Variants in RPSA2 observed in about 807,000 individuals in gnomAD.
RPSA2 encodes the protein ribosomal protein SA 2, also known as small ribosomal subunit protein uS2B.
chr19:23,764,921 C>G, the RPSA2 span, among the ~76,000 whole-genome samples: 1 of 152,078 alleles, frequency 6.6e-6, no homozygotes, highest in Non-Finnish European at 1.5e-5. Flanking sequence ...TACAGCAGCC[C>G]TTTAGTCTAT....
At chr19:23,779,526 A>G in the RPSA2 span, among the ~76,000 whole-genome samples, 60 of 152,288 alleles carry the variant, frequency 3.9e-4, no homozygotes, top group South Asian at 0.011. Flanking sequence ...TTATTAGGAC[A>G]TTTATTTTTG....
the RPSA2 span, among the ~76,000 whole-genome samples, chr19:23,854,974 C>T: frequency 3.3e-5 from 5 of 152,162 alleles, no homozygotes; most frequent in East Asian, 7.7e-4. Context: ...CTTGAGCGTG[C>T]TCATCAGAGA....
At chr19:23,865,895 G>C in the RPSA2 span, among the ~76,000 whole-genome samples, 1 of 152,336 alleles carries the variant, frequency 6.6e-6, no homozygotes, top group East Asian at 1.9e-4. Context: ...CTATAGGGCT[G>C]TTAGAATCGG....
the RPSA2 span, among the ~76,000 whole-genome samples, chr19:23,825,010 C>A: frequency 6.6e-6 from 1 of 151,550 alleles, no homozygotes; most frequent in Admixed American, 6.6e-5. Context: ...GATGGAGTCT[C>A]GCTCTGTTTC....
the RPSA2 span, among the ~76,000 whole-genome samples, chr19:23,789,041 G>A: frequency 1.2e-3 from 21 of 17,844 alleles, no homozygotes; most frequent in Non-Finnish European, 2.3e-3. Flanking sequence ...TTTTTTGACA[G>A]CCAGGTTGGA....
the RPSA2 span, among the ~76,000 whole-genome samples, chr19:23,810,349 G>A: frequency 4.3e-5 from 6 of 138,920 alleles, no homozygotes; most frequent in Non-Finnish European, 7.5e-5. Flanking sequence ...AACCGAGATC[G>A]TGCCACTGCA....
the RPSA2 span, chr19:23,832,649 G>T: frequency 3.4e-6 from 5 of 1,465,026 alleles, no homozygotes; most frequent in East Asian, 1.4e-4. Context: ...TGTGAAGAAG[G>T]TGGCAAAGCA....
At chr19:23,781,110 G>A in the RPSA2 span, among the ~76,000 whole-genome samples, 1 of 152,112 alleles carries the variant, frequency 6.6e-6, no homozygotes, top group Non-Finnish European at 1.5e-5. Context: ...GAGTAGCTGG[G>A]ACTACCGGTG....
the RPSA2 span, among the ~76,000 whole-genome samples, chr19:23,846,096 A>G: frequency 6.6e-6 from 1 of 152,118 alleles, no homozygotes; most frequent in African/African-American, 2.4e-5. Flanking sequence ...AGGTTTAATA[A>G]TATTTCTTTT....
the RPSA2 span, among the ~76,000 whole-genome samples, chr19:23,843,837 G>A: frequency 1.6e-4 from 24 of 152,116 alleles, no homozygotes; most frequent in African/African-American, 5.5e-4. Flanking sequence ...TCAGCTTACC[G>A]CAATCTTTGC....
At chr19:23,869,289 G>T in the RPSA2 span, among the ~76,000 whole-genome samples, 2 of 152,264 alleles carry the variant, frequency 1.3e-5, no homozygotes, top group Admixed American at 1.3e-4. Flanking sequence ...CAAAGATGTC[G>T]CTCAACCATA....
the RPSA2 span, among the ~76,000 whole-genome samples, chr19:23,804,476 T>C: frequency 6.6e-6 from 1 of 151,710 alleles, no homozygotes; most frequent in African/African-American, 2.4e-5. Context: ...TTTGTATTTT[T>C]AGTAGAGATG....
At chr19:23,834,301 T>C in the RPSA2 span, among the ~76,000 whole-genome samples, 1 of 128,226 alleles carries the variant, frequency 7.8e-6, no homozygotes, top group African/African-American at 2.9e-5. Context: ...GAAGTTAAAC[T>C]CTTAAATTAC....
the RPSA2 span, among the ~76,000 whole-genome samples, chr19:23,763,956 C>T: frequency 8.5e-5 from 13 of 152,094 alleles, no homozygotes; most frequent in East Asian, 1.9e-3. Context: ...TATGTAGTCA[C>T]CTTATTTGTA....
At chr19:23,770,675 T>G in the RPSA2 span, among the ~76,000 whole-genome samples, 1 of 152,146 alleles carries the variant, frequency 6.6e-6, no homozygotes, top group South Asian at 2.1e-4. Flanking sequence ...TGATCTGTTT[T>G]TCCTGCCTGG....
At chr19:23,810,211 G>C in the RPSA2 span, among the ~76,000 whole-genome samples, 3 of 151,982 alleles carry the variant, frequency 2.0e-5, no homozygotes, top group South Asian at 6.2e-4. Context: ...GGCTAACTCG[G>C]TGAAACCCCG....
the RPSA2 span, among the ~76,000 whole-genome samples, chr19:23,844,319 T>G: frequency 6.6e-6 from 1 of 152,332 alleles, no homozygotes; most frequent in African/African-American, 2.4e-5. Flanking sequence ...GTATGTATGG[T>G]TTGCTATTGT....
chr19:23,854,583 C>A, the RPSA2 span, among the ~76,000 whole-genome samples: 1 of 152,200 alleles, frequency 6.6e-6, no homozygotes, highest in African/African-American at 2.4e-5. Flanking sequence ...CCATCTATAT[C>A]AGACTTAGAA....
the RPSA2 span, among the ~76,000 whole-genome samples, chr19:23,771,549 T>G: frequency 3.3e-5 from 5 of 152,192 alleles, no homozygotes; most frequent in Admixed American, 3.3e-4. Flanking sequence ...AGCAACTGAG[T>G]GATTTGACTC....
Sources: allele counts gnomAD v4.1 joint callset (sites outside exome capture counted in the v4.1 genomes callset), GRCh38; gene constraint gnomAD v4.1.1; transcripts MANE v1.5; gene names NCBI Gene and HGNC (gene_info 2026-07-23, HGNC 2026-07-21).